ANKRD30A: variants seen among roughly 807,000 people sequenced by gnomAD.
The protein encoded by ANKRD30A is ankyrin repeat domain-containing protein 30A.
ANKRD30A carries 170 observed loss-of-function variants against 166.3 expected under a neutral mutation model. The observed-to-expected ratio is 1.02, with a 90% CI of 0.90 to 1.16. The LOEUF (loss-of-function observed/expected upper bound fraction) is 1.16. Among genes scored for constraint, ANKRD30A ranks in the 50% most tolerant of loss-of-function variants. The probability of loss-of-function intolerance (pLI) is 0.00; values close to 1 mark genes in which losing one functional copy is unlikely to be tolerated. For missense variants in ANKRD30A, 1,630 were observed against 1,518.0 expected (o/e 1.07, Z -1.23); for synonymous variants, 564 against 508.9 (o/e 1.11, Z -1.46).
intron 27 of ANKRD30A, 118 bp downstream of exon 27, chr10:37,193,376 T>A (rs1471863053): frequency 7.9e-7 from 1 of 1,258,334 alleles, no homozygotes; most frequent in African/African-American, 1.5e-5. Flanking sequence ...GAAATTTCGA[T>A]ACAAATAATG....
chr10:37,141,898 G>C lies in ANKRD30A; in HGVS notation c.1001G>C (p.Gly334Ala). The change falls in exon 7 of 36, where the codon GGA becomes GCA. Residue 334 changes from glycine (G) to alanine (A), a missense_variant. Transcript: ENST00000361713. ...TPDEAASLVE[G>A]TSDKIQCLEK... ...GATGAGGCTGCATCCTTGGTGGAGG[G>C]AACATCTGACAAAATTCAATGTTTG... 5.0e-6 allele frequency: 8 copies of C among 1,614,178 alleles called. No homozygotes were observed. The highest frequency in any genetic ancestry group is 5.1e-6 in the Non-Finnish European group (6 of 1,180,034).
intron 18 of ANKRD30A, among the ~76,000 whole-genome samples, chr10:37,165,412 A>T (rs1029268764): frequency 6.6e-6 from 1 of 152,222 alleles, no homozygotes; most frequent in Non-Finnish European, 1.5e-5. Flanking sequence ...ATTCACTAGA[A>T]ATTCACATGG....
At chr10:37,199,649 A>AAT in intron 29 of ANKRD30A, 78 bp from the exon 30 acceptor site, 2 of 944,774 alleles carry the variant, frequency 2.1e-6, no homozygotes, top group Non-Finnish European at 1.6e-6. Context: ...TCGTGAATGA[A>AAT]AGTAGATTTG....
intron 27 of ANKRD30A, among the ~76,000 whole-genome samples, chr10:37,196,405 C>T (rs1483205027): frequency 5.3e-5 from 8 of 151,978 alleles, no homozygotes; most frequent in African/African-American, 1.9e-4. Context: ...AAACTAAGAA[C>T]ATTGGGTTTA....
chr10:37,131,330 A>G (rs902327717), intron 3 of ANKRD30A, among the ~76,000 whole-genome samples: 4 of 152,220 alleles, frequency 2.6e-5, no homozygotes, highest in Non-Finnish European at 5.9e-5. Flanking sequence ...CAGAATAAAA[A>G]TGGATTACTG....
chr10:37,197,428 G>C lies in ANKRD30A; in HGVS notation c.2664G>C (p.Lys888Asn). The C allele has an allele frequency of 6.2e-7, 1 of 1,612,548 alleles. No homozygotes were observed. Among genetic ancestry groups the C allele is most frequent in the Admixed American group, 1.7e-5 (1 of 60,004 alleles). ...SAFEPAIEMQ[K>N]SVPNKALELK... ...TTTAGCCTGCCATTGAAATGCAAAA[G>C]TCTGTTCCAAATAAAGCCTTGGAAT... Residue 888 changes from lysine (K) to asparagine (N), a missense_variant, in exon 29 of 36, where the codon AAG becomes AAC. This residue lies in a region of ANKRD30A where 712 missense variants were observed against 629.3 expected (regional missense o/e 1.13). Coordinates refer to ENST00000361713, the MANE Select transcript of ANKRD30A (RefSeq NM_052997.3).
chr10:37,156,079 A>C (rs1838359601), intron 13 of ANKRD30A, among the ~76,000 whole-genome samples: 1 of 96,560 alleles, frequency 1.0e-5, no homozygotes, highest in Non-Finnish European at 2.3e-5. Context: ...ATACGCTATC[A>C]AAAAAAAAAA....
Position 37,125,889 on chromosome 10 carries a change from C to A in ANKRD30A, c.102C>A (p.Val34=). 6.4e-7 allele frequency: 1 copy of A among 1,567,832 alleles called. No homozygotes were observed. The highest frequency in any genetic ancestry group is 8.8e-7 in the Non-Finnish European group (1 of 1,140,894). Residue 34 remains valine, a synonymous_variant, in exon 1 of 36, where the codon GTC becomes GTA. Coordinates refer to ENST00000361713, the MANE Select transcript of ANKRD30A (RefSeq NM_052997.3). ...ATACCAGCAACGACTCCTACATCGTCCACTCTGGGGATCTTAGAAAGATCC... is the reference window on the plus strand; with the variant it reads ...ATACCAGCAACGACTCCTACATCGTACACTCTGGGGATCTTAGAAAGATCC... The part of the protein sequence containing the change: ...LVYTSNDSYI[V]HSGDLRKIHK...
At chr10:37,214,472 G>A (rs1842500834) in intron 31 of ANKRD30A, among the ~76,000 whole-genome samples, 1 of 149,634 alleles carries the variant, frequency 6.7e-6, no homozygotes. Flanking sequence ...GATCTTCTTT[G>A]CTTTGCTTTT....
chr10:37,246,285 T>C, the ANKRD30A span, among the ~76,000 whole-genome samples: 4 of 152,354 alleles, frequency 2.6e-5, no homozygotes, highest in Non-Finnish European at 5.9e-5. Context: ...AAACCATTTG[T>C]TACTTGTGTT....
At chr10:37,179,059 T>G (rs1187892396) in intron 24 of ANKRD30A, among the ~76,000 whole-genome samples, 1 of 132,952 alleles carries the variant, frequency 7.5e-6, no homozygotes, top group Non-Finnish European at 1.6e-5. Context: ...TATATATATA[T>G]ATATAGATGT....
chr10:37,196,626 A>G (rs1423748508), intron 27 of ANKRD30A, among the ~76,000 whole-genome samples: 2 of 152,210 alleles, frequency 1.3e-5, no homozygotes, highest in African/African-American at 4.8e-5. Context: ...ATAAATTTTT[A>G]TAGAAATATG....
chr10:37,210,596 G>A (rs984844595), intron 31 of ANKRD30A, among the ~76,000 whole-genome samples: 5 of 152,124 alleles, frequency 3.3e-5, no homozygotes, highest in African/African-American at 9.7e-5. Context: ...GTGTAAAAAC[G>A]ATTCTATTTC....
At chr10:37,129,183 T>C (rs558759286) in intron 1 of ANKRD30A, among the ~76,000 whole-genome samples, 1 of 152,322 alleles carries the variant, frequency 6.6e-6, no homozygotes, top group South Asian at 2.1e-4. Flanking sequence ...CTGTTGTATA[T>C]ACCATATTCC....
intron 15 of ANKRD30A, among the ~76,000 whole-genome samples, chr10:37,160,504 A>G (rs923328090): frequency 1.8e-4 from 27 of 152,332 alleles, no homozygotes; most frequent in African/African-American, 5.3e-4. Context: ...GTTAGAACAA[A>G]AATTTTCAAA....
At chr10:37,232,695 A>AGAGAGAGAGAG (rs1564604874), downstream of ANKRD30A, 143 of 10,854 alleles carry the variant, frequency 0.013, 2 homozygotes, top group African/African-American at 0.034. Flanking sequence ...TATATATATA[A>AGAGAGAGAGAG]ATAGAGAGAG....
chr10:37,262,967 G>A, the ANKRD30A span, among the ~76,000 whole-genome samples: 8 of 151,566 alleles, frequency 5.3e-5, no homozygotes, highest in African/African-American at 1.5e-4. Context: ...CAGAACACAA[G>A]GCTTTGTTAT....
downstream of ANKRD30A, among the ~76,000 whole-genome samples, chr10:37,235,839 G>A (rs567593480): frequency 6.8e-4 from 99 of 145,000 alleles, no homozygotes; most frequent in African/African-American, 2.3e-3. Context: ...GCGCAATCTC[G>A]GCTCACTGCA....
At chr10:37,159,723 T>C (rs921623710) in intron 15 of ANKRD30A, among the ~76,000 whole-genome samples, 1 of 152,174 alleles carries the variant, frequency 6.6e-6, no homozygotes, top group Non-Finnish European at 1.5e-5. Flanking sequence ...TTGTTTTTGT[T>C]TTTTTGAGAT....
Sources: gnomAD v4.1 joint callset for allele counts (sites outside exome capture counted in the v4.1 genomes callset) on GRCh38, gnomAD v4.1.1 for gene constraint, gnomAD v4.1.1 regional missense constraint, MANE v1.5 for transcripts, NCBI Gene and HGNC (gene_info 2026-07-23, HGNC 2026-07-21) for gene names.